The following UQCC1 variants were observed in gnomAD, a reference collection of about 807,000 sequenced individuals.
The protein encoded by UQCC1 is bFGF-repressed Zic-binding protein.
UQCC1 carries 38 observed loss-of-function variants against 48.0 expected under a neutral mutation model. The ratio of observed to expected loss-of-function variants is 0.79; its 90% CI spans 0.61 to 1.04. The LOEUF (loss-of-function observed/expected upper bound fraction) is 1.04. Ranked by LOEUF, UQCC1 falls within the 50% of genes least tolerant of loss-of-function variation. The pLI, the probability that UQCC1 is intolerant of heterozygous loss-of-function variation, is 0.00. For synonymous variants in UQCC1, 111 were observed against 129.2 expected (o/e 0.86, Z 0.95); for missense variants, 368 against 381.8 (o/e 0.96, Z 0.30).
intron 4 of UQCC1, among the ~76,000 whole-genome samples, chr20:35,378,884 T>C (rs916741450): frequency 1.3e-5 from 2 of 152,234 alleles, no homozygotes; most frequent in Non-Finnish European, 2.9e-5. Flanking sequence ...ACCTTCTTTT[T>C]TTCACATTTG....
chr20:35,313,719 CT>C (rs1160209167), intron 8 of UQCC1, among the ~76,000 whole-genome samples: 2 of 151,752 alleles, frequency 1.3e-5, no homozygotes, highest in Non-Finnish European at 2.9e-5. Flanking sequence ...GTTCAAGAGA[CT>C]CCGCCTCTCA....
At chr20:35,323,596 A>C (rs1307002633) in intron 7 of UQCC1, among the ~76,000 whole-genome samples, 2 of 152,220 alleles carry the variant, frequency 1.3e-5, no homozygotes, top group Non-Finnish European at 2.9e-5. Flanking sequence ...GAAACCAGAG[A>C]GGTTTCAAGA....
At chr20:35,378,424 C>G (rs1418815258) in intron 4 of UQCC1, among the ~76,000 whole-genome samples, 3 of 151,976 alleles carry the variant, frequency 2.0e-5, no homozygotes, top group Non-Finnish European at 4.4e-5. Flanking sequence ...ACCAGCCTGG[C>G]CAAGAGACCA....
intron 7 of UQCC1, among the ~76,000 whole-genome samples, chr20:35,338,882 A>ATATATAT (rs1568666102): frequency 1.7e-5 from 1 of 60,162 alleles, no homozygotes; most frequent in African/African-American, 2.1e-4. Context: ...AAAAAAAAAA[A>ATATATAT]AAAAAAAAAA....
Position 35,392,105 on chromosome 20 carries a change from T to C in UQCC1, c.129+1987A>G, listed in dbSNP as rs149068885. ...CCTTGACATACATTCATCCTACCAC[T>C]GCCTGAATATTTCCAGTAAGAGTAA... On this transcript the variant is annotated intron_variant, in intron 2 of 9. Coordinates refer to ENST00000374385, the MANE Select transcript of UQCC1 (RefSeq NM_018244.5). 2.2e-3 allele frequency: 1,322 copies of C among 597,558 alleles called. 17 individuals are homozygous for C. In the African/African-American group the frequency reaches 0.023, roughly 10 times the overall value. 37.0% of individuals were successfully genotyped at this position (597,558 alleles called of 1,614,324 possible).
intron 2 of UQCC1, chr20:35,392,114 AT>A (rs2062020735): frequency 1.5e-6 from 1 of 680,158 alleles, no homozygotes; most frequent in East Asian, 6.6e-5. Context: ...CTGCCTGAAT[AT>A]TTCCAGTAAG....
intron 1 of UQCC1, among the ~76,000 whole-genome samples, chr20:35,401,173 C>A (rs1381302171): frequency 6.6e-6 from 1 of 152,146 alleles, no homozygotes; most frequent in African/African-American, 2.4e-5. Context: ...TTATTGGTTT[C>A]TGTTGAAAGA....
chr20:35,407,715 A>C (rs1474263788), intron 1 of UQCC1, among the ~76,000 whole-genome samples: 1 of 152,060 alleles, frequency 6.6e-6, no homozygotes, highest in Non-Finnish European at 1.5e-5. Context: ...GCAAAACCCC[A>C]TCTCTACTAA....
At chr20:35,384,218 G>T in intron 2 of UQCC1, 85 bp from the exon 3 acceptor site, 4 of 1,234,444 alleles carry the variant, frequency 3.2e-6, no homozygotes, top group South Asian at 1.3e-5. Flanking sequence ...AAAGACTATA[G>T]GATCTTTCCA....
chr20:35,378,455 C>T (rs975664241), intron 4 of UQCC1, among the ~76,000 whole-genome samples: 1 of 151,954 alleles, frequency 6.6e-6, no homozygotes, highest in Non-Finnish European at 1.5e-5. Flanking sequence ...TATGATGAAA[C>T]CTCATCTCTA....
chr20:35,400,077 T>C (rs1472845769), intron 1 of UQCC1, among the ~76,000 whole-genome samples: 2 of 151,458 alleles, frequency 1.3e-5, no homozygotes, highest in African/African-American at 4.8e-5. Context: ...AGCGGCGCGC[T>C]ACCACGCCCA....
chr20:35,376,947 TCAAAA>T (rs1178698253), intron 4 of UQCC1, among the ~76,000 whole-genome samples: 3 of 134,604 alleles, frequency 2.2e-5, no homozygotes, highest in Middle Eastern at 7.1e-3. Flanking sequence ...AGACTCCATC[TCAAAA>T]CAAAACAAAA....
chr20:35,323,705 A>G (rs568244808), intron 7 of UQCC1, among the ~76,000 whole-genome samples: 2 of 152,358 alleles, frequency 1.3e-5, no homozygotes, highest in East Asian at 3.9e-4. Flanking sequence ...AGGCTATTCC[A>G]TGGATTGGTC....
chr20:35,402,074 C>T (rs925776740), intron 1 of UQCC1, among the ~76,000 whole-genome samples: 4 of 152,164 alleles, frequency 2.6e-5, no homozygotes, highest in Non-Finnish European at 4.4e-5. Flanking sequence ...CTTCCAGTTA[C>T]AATGTGGCAT....
intron 8 of UQCC1, among the ~76,000 whole-genome samples, chr20:35,314,111 C>G (rs371928902): frequency 6.6e-6 from 1 of 151,958 alleles, no homozygotes; most frequent in African/African-American, 2.4e-5. Flanking sequence ...ATTACAGGCA[C>G]CCACCACCAT....
Position 35,374,249 on chromosome 20 carries a change from T to C in UQCC1, c.341A>G (p.Lys114Arg), listed in dbSNP as rs777158752. 24 of 1,611,244 alleles carry C rather than the reference T, an allele frequency of 1.5e-5. No homozygotes were observed. The highest frequency in any genetic ancestry group is 4.2e-6 in the Non-Finnish European group (5 of 1,179,050). The change falls in exon 5 of 10, where the codon AAG becomes AGG. Residue 114 changes from lysine to arginine, a missense_variant. Coordinates refer to ENST00000374385, the MANE Select transcript of UQCC1 (RefSeq NM_018244.5). ...AGTATACATGCGCAGGGCCGCAATC[T>C]TAATCTTCTAGACAAAGAGAATAAA... ...GPLKYSKWKI[K>R]IAALRMYTSC... is the part of the protein sequence containing the mutation.
intron 6 of UQCC1, 30 bp from the exon 7 acceptor site, chr20:35,347,302 G>A: frequency 1.9e-6 from 3 of 1,610,816 alleles, no homozygotes; most frequent in Non-Finnish European, 2.5e-6. Context: ...AAAAAGTCTT[G>A]GCTGTTTGCA....
At chr20:35,328,014 A>G (rs1005252144) in intron 7 of UQCC1, among the ~76,000 whole-genome samples, 14 of 151,406 alleles carry the variant, frequency 9.2e-5, no homozygotes, top group Admixed American at 9.2e-4. Context: ...AAAAAAGGAA[A>G]AAAAAAAAAA....
In UQCC1 at chr20:35,306,694, T is replaced by A. The variant is rs1284854565; in HGVS notation, c.737A>T (p.Glu246Val). ...NRKCEDPRHL[E>V]LLVEYVRKQI... Reference sequence around the variant, plus strand: ...TTTCCTCACATACTCTACCAGCAATTCAAGATGTCGAGGGTCTTCACATTT... The same window carrying A: ...TTTCCTCACATACTCTACCAGCAATACAAGATGTCGAGGGTCTTCACATTT... The change falls in exon 9 of 10, where the codon GAA (glutamate) becomes GTA (valine). Residue 246 changes from glutamate (E) to valine (V), a missense_variant. Glu to Val is a moderately radical substitution (Grantham distance 121). Transcript: ENST00000374385. 6.2e-7 allele frequency: 1 copy of A among 1,613,744 alleles called. No individual in the cohort carries two copies. Among genetic ancestry groups the A allele is most frequent in the Admixed American group, 1.7e-5 (1 of 60,016 alleles).
Sources: gnomAD v4.1 joint callset for allele counts (sites outside exome capture counted in the v4.1 genomes callset) on GRCh38, gnomAD v4.1.1 for gene constraint, MANE v1.5 for transcripts, NCBI Gene and HGNC (gene_info 2026-07-23, HGNC 2026-07-21) for gene names.